TBCA: variants seen among roughly 807,000 people sequenced by gnomAD.
TBCA encodes the protein tubulin-specific chaperone A.
In TBCA, 6 loss-of-function variants were observed where a neutral mutation model predicts 15.8. The observed-to-expected ratio is 0.38, with a 90% CI of 0.21 to 0.75. The LOEUF is 0.75. Ranked by LOEUF, TBCA falls within the 30% of genes least tolerant of loss-of-function variation. TBCA has a pLI of 0.46. For synonymous variants in TBCA, 32 were observed against 42.3 expected (o/e 0.76, Z 0.94); for missense variants, 90 against 131.2 (o/e 0.69, Z 1.53).
chr5:77,707,632 T>C (rs909001953), intron 2 of TBCA, among the ~76,000 whole-genome samples: 2 of 152,186 alleles, frequency 1.3e-5, no homozygotes, highest in Admixed American at 1.3e-4. Context: ...GTATGCAATG[T>C]TAAGGCCACT....
intron 2 of TBCA, among the ~76,000 whole-genome samples, chr5:77,698,993 T>G (rs2546162): frequency 0.28 from 34,298 of 123,334 alleles, 4,677 homozygotes; most frequent in Middle Eastern, 0.38. Flanking sequence ...ATATGGTATG[T>G]GGAAACCAAA....
At chr5:77,727,242 A>AG (rs1484392821) in intron 1 of TBCA, among the ~76,000 whole-genome samples, 7 of 148,086 alleles carry the variant, frequency 4.7e-5, no homozygotes, top group African/African-American at 1.8e-4. Flanking sequence ...GTCTCAGGAA[A>AG]AAAAAAAAAA....
chr5:77,747,764 T>C (rs1291181480), intron 1 of TBCA, among the ~76,000 whole-genome samples: 1 of 152,172 alleles, frequency 6.6e-6, no homozygotes, highest in Non-Finnish European at 1.5e-5. Flanking sequence ...TTGGCAATAG[T>C]GTTTGAAACA....
intron 1 of TBCA, among the ~76,000 whole-genome samples, chr5:77,742,777 T>G (rs765745196): frequency 3.3e-5 from 5 of 152,248 alleles, no homozygotes; most frequent in South Asian, 4.1e-4. Context: ...TCAATGTAGC[T>G]CTTCTGTTCT....
At chr5:77,760,912 T>C (rs7726371) in intron 1 of TBCA, among the ~76,000 whole-genome samples, 16,034 of 150,870 alleles carry the variant, frequency 0.11, 910 homozygotes, top group Middle Eastern at 0.13. Context: ...CCCCTCTGCC[T>C]GGCCACCCAT....
chr5:77,751,025 G>C (rs1161233405), intron 1 of TBCA, among the ~76,000 whole-genome samples: 2 of 151,552 alleles, frequency 1.3e-5, no homozygotes, highest in Admixed American at 6.6e-5. Context: ...GAAGCCTCCA[G>C]GTAGCAAGCT....
chr5:77,761,344 C>T (rs1049645912), intron 1 of TBCA, among the ~76,000 whole-genome samples: 27 of 152,162 alleles, frequency 1.8e-4, no homozygotes, highest in Non-Finnish European at 2.1e-4. Flanking sequence ...CCCCCAACCC[C>T]GTGCTCTCTG....
At chr5:77,699,580 A>T (rs1580090932) in intron 2 of TBCA, among the ~76,000 whole-genome samples, 1 of 152,212 alleles carries the variant, frequency 6.6e-6, no homozygotes, top group East Asian at 1.9e-4. Context: ...TATAAAAATT[A>T]CCTCAAAACG....
intron 2 of TBCA, among the ~76,000 whole-genome samples, chr5:77,697,856 G>A (rs1347441736): frequency 6.6e-6 from 1 of 152,080 alleles, no homozygotes; most frequent in East Asian, 1.9e-4. Context: ...TTGGCTGGGT[G>A]CCATGGCTCA....
intron 1 of TBCA, among the ~76,000 whole-genome samples, chr5:77,774,087 A>C (rs1223376558): frequency 1.3e-5 from 2 of 152,190 alleles, no homozygotes; most frequent in Non-Finnish European, 2.9e-5. Flanking sequence ...CTCATTACAC[A>C]TTCCTCCCTT....
intron 1 of TBCA, among the ~76,000 whole-genome samples, chr5:77,756,290 A>G (rs997571771): frequency 6.6e-6 from 1 of 151,936 alleles, no homozygotes; most frequent in Non-Finnish European, 1.5e-5. Context: ...CAGCTCCTAT[A>G]TGCATTTCCT....
intron 1 of TBCA, among the ~76,000 whole-genome samples, chr5:77,718,069 G>A (rs1305556111): frequency 6.6e-6 from 1 of 152,224 alleles, no homozygotes; most frequent in African/African-American, 2.4e-5. Context: ...GGCAGAGGTT[G>A]TGGTGAGCTG....
intron 1 of TBCA, among the ~76,000 whole-genome samples, chr5:77,718,737 AAAACT>A (rs1366831880): frequency 1.3e-5 from 2 of 152,218 alleles, no homozygotes; most frequent in Non-Finnish European, 2.9e-5. Flanking sequence ...CTCTCCTAAC[AAAACT>A]TAAAATAAAA....
chr5:77,707,363 G>C (rs530815680), intron 2 of TBCA, among the ~76,000 whole-genome samples: 1 of 152,080 alleles, frequency 6.6e-6, no homozygotes, highest in South Asian at 2.1e-4. Context: ...AGTGTTATGG[G>C]AGCAAAAAGG....
intron 1 of TBCA, among the ~76,000 whole-genome samples, chr5:77,747,283 C>T (rs1487261057): frequency 6.6e-6 from 1 of 152,064 alleles, no homozygotes; most frequent in African/African-American, 2.4e-5. Flanking sequence ...AGAACTACTA[C>T]TTTCACTACA....
intron 2 of TBCA, chr5:77,705,682 G>T (rs191225469): frequency 1.5e-3 from 589 of 396,918 alleles, no homozygotes; most frequent in Admixed American, 2.7e-3. Flanking sequence ...TTAAAAATTG[G>T]CCAGGCATGG....
chr5:77,775,168 G>A (rs1472162425), intron 1 of TBCA, among the ~76,000 whole-genome samples: 1 of 152,148 alleles, frequency 6.6e-6, no homozygotes, highest in Non-Finnish European at 1.5e-5. Flanking sequence ...ACCCACCTGA[G>A]ACAAATGCGT....
intron 1 of TBCA, among the ~76,000 whole-genome samples, chr5:77,738,735 AC>A (rs202196345): frequency 0.014 from 2,199 of 152,288 alleles, 23 homozygotes; most frequent in Non-Finnish European, 0.022. Flanking sequence ...GGCATCTGCC[AC>A]CACGCCTGGC....
rs527342573 is a variant in TBCA, at chr5:77,759,834, ATATACT to A, written c.53+16365_53+16370del. On this transcript the variant is annotated intron_variant, in intron 1 of 3. Coordinates refer to ENST00000380377, the MANE Select transcript of TBCA (RefSeq NM_004607.3). Reference sequence around the variant, plus strand: ...TTGTATAAGTATGTATACTTATACAATATACTTATAAGTATGCATAATTAGTAAAAA... The same window carrying A: ...TTGTATAAGTATGTATACTTATACAATATAAGTATGCATAATTAGTAAAAA... Among the ~76,000 whole-genome samples, 20 of 152,356 alleles carry A rather than the reference ATATACT, an allele frequency of 1.3e-4. No homozygotes were observed. In the South Asian group the frequency reaches 4.1e-3, roughly 32 times the overall value.
Sources: gnomAD v4.1 joint callset for allele counts (sites outside exome capture counted in the v4.1 genomes callset) on GRCh38, gnomAD v4.1.1 for gene constraint, MANE v1.5 for transcripts, NCBI Gene and HGNC (gene_info 2026-07-23, HGNC 2026-07-21) for gene names.